SPTA1: variants seen among roughly 807,000 people sequenced by gnomAD.
The protein encoded by SPTA1 is spectrin alpha, erythrocytic 1.
A neutral mutation model predicts 324.7 loss-of-function variants in SPTA1; 177 were observed. The observed-to-expected ratio is 0.55, with a 90% CI of 0.48 to 0.62. The LOEUF (loss-of-function observed/expected upper bound fraction) is 0.62, where lower values mean the gene tolerates loss of function less well. Among genes scored for constraint, SPTA1 ranks in the 20% least tolerant of loss-of-function variants. The pLI is 0.00. For missense variants in SPTA1, 3,162 were observed against 2,883.6 expected (o/e 1.10, Z -2.21); for synonymous variants, 1,195 against 1,041.3 (o/e 1.15, Z -2.84).
rs1652757983 is a variant in SPTA1, at chr1:158,655,365, T to C, written c.2899-617A>G. Among the ~76,000 whole-genome samples, 4 of 152,214 alleles carry C rather than the reference T, an allele frequency of 2.6e-5. No individual in the cohort carries two copies. The South Asian group carries it at 8.3e-4, about 32-fold the overall frequency. Reference sequence around the variant, plus strand: ...CTAAGGTAGAATTTTCTCTGATTTTTACTTTCTGCCAATTTCATGTCTCTG... The same window carrying C: ...CTAAGGTAGAATTTTCTCTGATTTTCACTTTCTGCCAATTTCATGTCTCTG... On this transcript the variant is annotated intron_variant, in intron 20 of 51. Coordinates refer to ENST00000643759, the MANE Select transcript of SPTA1 (RefSeq NM_003126.4).
At chr1:158,649,723 C>A (rs1652277670) in intron 25 of SPTA1, 133 bp downstream of exon 25, 5 of 759,510 alleles carry the variant, frequency 6.6e-6, no homozygotes, top group Admixed American at 2.3e-5. Flanking sequence ...TACTAAAAAA[C>A]CTAATTTTCT....
At chr1:158,669,038 T>C (rs1023445470) in intron 14 of SPTA1, among the ~76,000 whole-genome samples, 6 of 152,134 alleles carry the variant, frequency 3.9e-5, no homozygotes, top group Non-Finnish European at 8.8e-5. Flanking sequence ...TTAAATGTAT[T>C]GATGGGATTA....
intron 31 of SPTA1, 149 bp from the exon 32 acceptor site, chr1:158,643,125 G>C: frequency 5.4e-6 from 7 of 1,300,026 alleles, no homozygotes; most frequent in Non-Finnish European, 7.5e-6. Context: ...GCTAAAGCCA[G>C]TTAATTTCTA....
intron 8 of SPTA1, among the ~76,000 whole-genome samples, chr1:158,674,945 A>G (rs1200167502): frequency 1.3e-5 from 2 of 152,182 alleles, no homozygotes; most frequent in Non-Finnish European, 2.9e-5. Flanking sequence ...CCTCAAGGTC[A>G]CACCTACCCT....
chr1:158,626,872 T>C lies in SPTA1; in HGVS notation c.5800A>G (p.Asn1934Asp), dbSNP rs748177528. Residue 1934 changes from asparagine (N) to aspartate (D), a missense_variant, in exon 41 of 52, where the codon AAC becomes GAC. Coordinates refer to ENST00000643759, the MANE Select transcript of SPTA1 (RefSeq NM_003126.4). ...LEDDYAFQEF[N>D]WKADVVEAWI... The stretch of plus-strand genomic sequence containing the variant: ...GCCTCTACCACATCAGCCTTCCAGT[T>C]GAATTCCTGAAAGGCATAATCGTCT... 1.2e-6 allele frequency: 2 copies of C among 1,613,840 alleles called. No individual in the cohort carries two copies. The highest frequency in any genetic ancestry group is 1.7e-6 in the Non-Finnish European group (2 of 1,179,782).
intron 33 of SPTA1, among the ~76,000 whole-genome samples, chr1:158,641,334 C>A (rs1403459591): frequency 6.6e-6 from 1 of 152,122 alleles, no homozygotes; most frequent in African/African-American, 2.4e-5. Flanking sequence ...TAAAGAGCTT[C>A]TGCACAGCAA....
In SPTA1 at chr1:158,614,322, A is replaced by AG. The variant is rs758042393; in HGVS notation, c.6789-17_6789-16insC. The AG allele has an allele frequency of 5.1e-5, 81 of 1,576,216 alleles. No individual in the cohort carries two copies. The African/African-American group carries it at 9.7e-4, about 19-fold the overall frequency. ...TTTGATGTCCCTGAAAGAAAAAAAAAAAACATGAATTTTCCCTGTATATGA... is the reference window on the plus strand; with the variant it reads ...TTTGATGTCCCTGAAAGAAAAAAAAAGAAACATGAATTTTCCCTGTATATGA... On this transcript the variant is annotated splice_polypyrimidine_tract_variant and intron_variant, in intron 48 of 51. Transcript: ENST00000643759.
chr1:158,658,351 C>T (rs150355646), intron 18 of SPTA1, among the ~76,000 whole-genome samples: 9 of 152,090 alleles, frequency 5.9e-5, no homozygotes, highest in Non-Finnish European at 7.4e-5. Context: ...GAGAGATAGA[C>T]CTTTTCAGAG....
rs1283278801 is a variant in SPTA1, at chr1:158,614,321, A to AC, written c.6789-16_6789-15insG. 3 of 1,574,888 alleles carry AC rather than the reference A, an allele frequency of 1.9e-6. No homozygotes were observed. Among genetic ancestry groups the AC allele is most frequent in the Non-Finnish European group, 2.6e-6 (3 of 1,148,584 alleles). ...CTTTGATGTCCCTGAAAGAAAAAAA[A>AC]AAAACATGAATTTTCCCTGTATATG... is the stretch of plus-strand genomic sequence containing the variant. On this transcript the variant is annotated splice_polypyrimidine_tract_variant and intron_variant, in intron 48 of 51. Transcript: ENST00000643759.
chr1:158,669,378 C>T (rs374858312), intron 14 of SPTA1, 30 bp downstream of exon 14: 2 of 1,613,740 alleles, frequency 1.2e-6, no homozygotes, highest in African/African-American at 2.7e-5. Flanking sequence ...CTCCTGATAA[C>T]TACATCCAGC....
At chr1:158,635,326 G>A (rs1391648167) in intron 38 of SPTA1, among the ~76,000 whole-genome samples, 2 of 138,320 alleles carry the variant, frequency 1.4e-5, no homozygotes, top group Non-Finnish European at 3.1e-5. Flanking sequence ...GCCCCCGCCC[G>A]CTCCCTGCCT....
At chr1:158,629,537 C>T (rs779773409) in intron 39 of SPTA1, among the ~76,000 whole-genome samples, 7 of 151,854 alleles carry the variant, frequency 4.6e-5, no homozygotes, top group Admixed American at 3.9e-4. Flanking sequence ...ATTGCTTCAA[C>T]GTGATAAAGT....
rs890111453 is a variant in SPTA1, at chr1:158,681,680, G to A, written c.391-13C>T. On this transcript the variant is annotated splice_polypyrimidine_tract_variant and intron_variant, in intron 3 of 51. Transcript: ENST00000643759. ...CCTCTATATGGGCCTTTAGGAAAGA[G>A]GGGCAAAACCACTCAGCCACAGACA... The A allele has an allele frequency of 1.2e-6, 2 of 1,613,426 alleles. No homozygotes were observed. The highest frequency in any genetic ancestry group is 2.7e-5 in the African/African-American group (2 of 74,944).
At chr1:158,640,845 T>C (rs931646419) in intron 33 of SPTA1, among the ~76,000 whole-genome samples, 1 of 152,114 alleles carries the variant, frequency 6.6e-6, no homozygotes, top group Non-Finnish European at 1.5e-5. Flanking sequence ...GAGCCTACAT[T>C]GCCAAGTCAA....
intron 27 of SPTA1, among the ~76,000 whole-genome samples, chr1:158,646,862 C>A (rs1652031928): frequency 6.6e-6 from 1 of 152,056 alleles, no homozygotes; most frequent in Admixed American, 6.6e-5. Context: ...TGCGATAGAG[C>A]CAAACGTGGG....
chr1:158,686,541 G>T lies in SPTA1; in HGVS notation c.-24C>A. The T allele has an allele frequency of 6.4e-7, 1 of 1,565,248 alleles. No homozygotes were observed. Reference sequence around the variant, plus strand: ...ATTTTTCCTAAAGGTTTAGAACCTGGCAAGATAAAATGTGTCAGAGAGAGA... The same window carrying T: ...ATTTTTCCTAAAGGTTTAGAACCTGTCAAGATAAAATGTGTCAGAGAGAGA... On this transcript the variant is annotated 5_prime_UTR_variant, in exon 1 of 52. Coordinates refer to ENST00000643759, the MANE Select transcript of SPTA1 (RefSeq NM_003126.4).
At chr1:158,651,274 G>T in intron 24 of SPTA1, 93 bp downstream of exon 24, 1 of 839,932 alleles carries the variant, frequency 1.2e-6, no homozygotes, top group Non-Finnish European at 2.1e-6. Flanking sequence ...TGTTCTAGTG[G>T]GTCTGCAGAA....
chr1:158,615,861 C>T (rs1162085881), intron 47 of SPTA1, among the ~76,000 whole-genome samples: 1 of 152,192 alleles, frequency 6.6e-6, no homozygotes, highest in African/African-American at 2.4e-5. Context: ...CTCAGGCTCA[C>T]TTAAGCTCCA....
intron 28 of SPTA1, 46 bp from the exon 29 acceptor site, chr1:158,645,431 A>T (rs1557952161): frequency 6.2e-7 from 1 of 1,613,934 alleles, no homozygotes; most frequent in Non-Finnish European, 8.5e-7. Context: ...ACTCCATTGG[A>T]AATTTTAAAA....
Sources: gnomAD v4.1 joint callset for allele counts (sites outside exome capture counted in the v4.1 genomes callset) on GRCh38, gnomAD v4.1.1 for gene constraint, MANE v1.5 for transcripts, NCBI Gene and HGNC (gene_info 2026-07-23, HGNC 2026-07-21) for gene names.